The following SLC25A13 variants were observed in gnomAD, a reference collection of about 807,000 sequenced individuals.
The protein encoded by SLC25A13 is electrogenic aspartate/glutamate antiporter SLC25A13, mitochondrial.
SLC25A13 carries 70 observed loss-of-function variants against 85.5 expected under a neutral mutation model. The ratio of observed to expected loss-of-function variants is 0.82; its 90% CI spans 0.68 to 1.00. The LOEUF is 1.00. SLC25A13 is among the 50% of genes least tolerant of loss of function. The pLI is 0.00. For synonymous variants in SLC25A13, 259 were observed against 288.7 expected, an observed-to-expected ratio of 0.90 and a Z score of 1.04; for missense variants, 765 against 819.8, an observed-to-expected ratio of 0.93 and a Z score of 0.82.
chr7:96,218,718 A>T (rs1795990755), intron 4 of SLC25A13, among the ~76,000 whole-genome samples: 1 of 152,188 alleles, frequency 6.6e-6, no homozygotes, highest in Non-Finnish European at 1.5e-5. Flanking sequence ...CATGGATTTT[A>T]AAAATTCCAT....
Position 96,138,331 on chromosome 7 carries a change from T to C in SLC25A13, c.1453-6450A>G, listed in dbSNP as rs56296611. Among the ~76,000 whole-genome samples the C allele has an allele frequency of 4.2e-3, 635 of 152,298 alleles. 5 individuals are homozygous for C. Among genetic ancestry groups the C allele is most frequent in the African/African-American group, 0.015 (614 of 41,580 alleles). ...GCTCTGGTGTTCAGCAGTTTTCCTC[T>C]GATGTGTCTAGTCTGGATTATTTTC... On this transcript the variant is annotated intron_variant, in intron 14 of 17. Transcript: ENST00000265631.
At chr7:96,284,062 G>A (rs1026119459) in intron 2 of SLC25A13, among the ~76,000 whole-genome samples, 1 of 151,352 alleles carries the variant, frequency 6.6e-6, no homozygotes, top group Non-Finnish European at 1.5e-5. Context: ...TTTAAAAGTA[G>A]TTCCTCTAAA....
Position 96,238,725 on chromosome 7 carries a change from T to A in SLC25A13, c.213-3808A>T, listed in dbSNP as rs192402984. On this transcript the variant is annotated intron_variant, in intron 3 of 17. Transcript: ENST00000265631. ...GCCTCCTCACATCCCCCAACCCTGCTGAGCAGGCACCCACAGCCACGCAGC... is the reference window on the plus strand; with the variant it reads ...GCCTCCTCACATCCCCCAACCCTGCAGAGCAGGCACCCACAGCCACGCAGC... 2.0e-4 allele frequency among the ~76,000 whole-genome samples: 31 copies of A among 152,194 alleles called. 1 individual carries two copies. The East Asian group carries it at 5.8e-3, about 29-fold the overall frequency.
At chr7:96,278,135 T>C (rs1584553528) in intron 2 of SLC25A13, among the ~76,000 whole-genome samples, 2 of 152,204 alleles carry the variant, frequency 1.3e-5, no homozygotes, top group African/African-American at 2.4e-5. Flanking sequence ...TTAATTTCTG[T>C]TGCATGGAGC....
At chr7:96,275,563 T>G (rs942265853) in intron 3 of SLC25A13, among the ~76,000 whole-genome samples, 4 of 152,124 alleles carry the variant, frequency 2.6e-5, no homozygotes, top group Admixed American at 2.6e-4. Flanking sequence ...CCATAAAAAA[T>G]GATGAATTCA....
intron 5 of SLC25A13, among the ~76,000 whole-genome samples, chr7:96,204,885 T>C (rs1021655931): frequency 7.9e-5 from 12 of 152,114 alleles, no homozygotes; most frequent in African/African-American, 2.9e-4. Flanking sequence ...ACACAAAAAA[T>C]ACCGAGTTTT....
chr7:96,172,904 G>A (rs1468151141), intron 11 of SLC25A13, among the ~76,000 whole-genome samples: 1 of 152,006 alleles, frequency 6.6e-6, no homozygotes, highest in East Asian at 2.0e-4. Context: ...GACTATAGGC[G>A]CCTGCCACCA....
intron 2 of SLC25A13, among the ~76,000 whole-genome samples, chr7:96,287,447 G>A (rs996668066): frequency 7.2e-5 from 11 of 152,142 alleles, no homozygotes; most frequent in South Asian, 4.2e-4. Flanking sequence ...TTCCACCCTC[G>A]GCCTTCAAGT....
intron 3 of SLC25A13, among the ~76,000 whole-genome samples, chr7:96,270,593 A>C (rs1798205096): frequency 6.6e-6 from 1 of 152,052 alleles, no homozygotes; most frequent in South Asian, 2.1e-4. Context: ...ACCTGATTTC[A>C]GTGGCACATG....
At chr7:96,162,951 A>G (rs896221466) in intron 13 of SLC25A13, among the ~76,000 whole-genome samples, 5 of 152,182 alleles carry the variant, frequency 3.3e-5, no homozygotes, top group African/African-American at 1.2e-4. Flanking sequence ...AGCAATCTAG[A>G]GAATGAATGG....
intron 4 of SLC25A13, among the ~76,000 whole-genome samples, chr7:96,229,718 G>A (rs1478631718): frequency 1.3e-5 from 2 of 151,666 alleles, no homozygotes; most frequent in African/African-American, 4.8e-5. Context: ...CTAAAGAGCT[G>A]TAACACTCAC....
At chr7:96,142,239 TACCTGA>T (rs753713921) in intron 14 of SLC25A13, among the ~76,000 whole-genome samples, 151 of 152,146 alleles carry the variant, frequency 9.9e-4, no homozygotes, top group Non-Finnish European at 1.8e-3. Context: ...CTGAGCAGAG[TACCTGA>T]AAGGAAGCTT....
At chr7:96,204,234 T>G (rs1161619325) in intron 5 of SLC25A13, among the ~76,000 whole-genome samples, 1 of 152,246 alleles carries the variant, frequency 6.6e-6, no homozygotes, top group Non-Finnish European at 1.5e-5. Context: ...AAAAGCACTT[T>G]GTAAATTATA....
At chr7:96,123,003 T>A (rs556146359) in intron 15 of SLC25A13, among the ~76,000 whole-genome samples, 1 of 152,198 alleles carries the variant, frequency 6.6e-6, no homozygotes, top group East Asian at 1.9e-4. Context: ...CTACATTTCA[T>A]CCTTCTAACA....
At chr7:96,210,665 T>C (rs1299089097) in intron 4 of SLC25A13, among the ~76,000 whole-genome samples, 1 of 152,198 alleles carries the variant, frequency 6.6e-6, no homozygotes, top group Non-Finnish European at 1.5e-5. Flanking sequence ...TGTATCTCTG[T>C]AGGAAGCAGG....
intron 1 of SLC25A13, among the ~76,000 whole-genome samples, chr7:96,304,629 G>T (rs1291610162): frequency 6.6e-6 from 1 of 152,130 alleles, no homozygotes; most frequent in Non-Finnish European, 1.5e-5. Context: ...CCAACAAGCT[G>T]CAACAACCAA....
chr7:96,204,839 T>A (rs1490463542), intron 5 of SLC25A13, among the ~76,000 whole-genome samples: 1 of 152,192 alleles, frequency 6.6e-6, no homozygotes, highest in East Asian at 1.9e-4. Flanking sequence ...ATTTGCTGAA[T>A]TGGATGGTTT....
At chr7:96,167,473 A>C (rs1023224094) in intron 13 of SLC25A13, among the ~76,000 whole-genome samples, 8 of 152,186 alleles carry the variant, frequency 5.3e-5, no homozygotes, top group Non-Finnish European at 1.0e-4. Context: ...TACTTTCCTC[A>C]TTTTTGCAGA....
intron 4 of SLC25A13, among the ~76,000 whole-genome samples, chr7:96,214,745 A>ATTAC (rs1795825563): frequency 6.6e-6 from 1 of 152,042 alleles, no homozygotes; most frequent in Admixed American, 6.6e-5. Context: ...TAATTAATTA[A>ATTAC]TTAATTTTAA....
Sources: allele counts gnomAD v4.1 joint callset (sites outside exome capture counted in the v4.1 genomes callset), GRCh38; gene constraint gnomAD v4.1.1; transcripts MANE v1.5; gene names NCBI Gene and HGNC (gene_info 2026-07-23, HGNC 2026-07-21).